LINGO2: variants seen among roughly 807,000 people sequenced by gnomAD.
LINGO2 encodes leucine rich repeat and Ig domain containing 2.
Under a neutral mutation model 30.6 loss-of-function variants are expected in LINGO2, and 14 were observed. The observed-to-expected ratio is 0.46, with a 90% CI of 0.30 to 0.72. LINGO2 has a LOEUF of 0.72. LINGO2 is among the 30% of genes least tolerant of loss of function. The pLI, the probability that LINGO2 is intolerant of heterozygous loss-of-function variation, is 0.07. For synonymous variants in LINGO2, 317 were observed against 288.5 expected (o/e 1.10, Z -1.00); for missense variants, 729 against 751.7 (o/e 0.97, Z 0.35).
In LINGO2 at chr9:27,965,206, A is replaced by G. The variant is rs559781057; in HGVS notation, c.-35-14500T>C. On this transcript the variant is annotated intron_variant, in intron 5 of 5. Transcript: ENST00000379992. ...AGAAACTTTTCTTGCTTGATGAGTC[A>G]TTTGCCTAATGTTACAGTCTCAGTA... 2.6e-5 allele frequency among the ~76,000 whole-genome samples: 4 copies of G among 152,076 alleles called. No individual in the cohort carries two copies. The South Asian group carries it at 6.2e-4, about 24-fold the overall frequency.
At chr9:28,264,673 C>T (rs2134061011) in intron 4 of LINGO2, among the ~76,000 whole-genome samples, 1 of 152,018 alleles carries the variant, frequency 6.6e-6, no homozygotes, top group South Asian at 2.1e-4. Context: ...TGTATTCTAG[C>T]TCGGCCACAC....
chr9:29,203,260 A>G, the LINGO2 span, among the ~76,000 whole-genome samples: 1 of 152,164 alleles, frequency 6.6e-6, no homozygotes, highest in African/African-American at 2.4e-5. Flanking sequence ...GGAAAAAAAT[A>G]AAAATATCAA....
chr9:28,355,616 G>A (rs539840741), intron 3 of LINGO2, among the ~76,000 whole-genome samples: 1 of 151,984 alleles, frequency 6.6e-6, no homozygotes, highest in African/African-American at 2.4e-5. Context: ...CACTTCACAG[G>A]TGGACAGAGA....
chr9:29,177,665 A>G, the LINGO2 span, among the ~76,000 whole-genome samples: 1 of 152,160 alleles, frequency 6.6e-6, no homozygotes, highest in African/African-American at 2.4e-5. Flanking sequence ...TTTTCCACTA[A>G]TCATGATGTT....
chr9:28,347,897 A>G (rs1438849046), intron 3 of LINGO2, among the ~76,000 whole-genome samples: 1 of 152,164 alleles, frequency 6.6e-6, no homozygotes, highest in East Asian at 1.9e-4. Context: ...AGATGTTTCT[A>G]CTATGTTGTT....
At chr9:28,848,599 C>CT in the LINGO2 span, among the ~76,000 whole-genome samples, 16 of 149,694 alleles carry the variant, frequency 1.1e-4, 1 homozygote, top group East Asian at 4.0e-4. Flanking sequence ...AGACCCTCTG[C>CT]TTTTTTTTCA....
At position 27,991,226 on chromosome 9, in the gene LINGO2, C is replaced by T. The variant is rs997207369; in HGVS notation, c.-36+21129G>A. Among the ~76,000 whole-genome samples the T allele has an allele frequency of 5.3e-5, 8 of 152,024 alleles. No homozygotes were observed. The East Asian group carries it at 5.8e-4, about 11-fold the overall frequency. On this transcript the variant is annotated intron_variant, in intron 5 of 5. Coordinates refer to ENST00000379992, the Ensembl canonical transcript of LINGO2. ...AAGGACTCTGGTTGAATACAATGAA[C>T]GGCAACAACAACAACAACAAAGGAT...
At chr9:28,471,495 C>G (rs1172175430) in intron 2 of LINGO2, among the ~76,000 whole-genome samples, 1 of 152,144 alleles carries the variant, frequency 6.6e-6, no homozygotes, top group Non-Finnish European at 1.5e-5. Context: ...AAAGATCCCA[C>G]CTCCCAACAC....
the LINGO2 span, among the ~76,000 whole-genome samples, chr9:29,155,591 G>T: frequency 8.1e-5 from 12 of 148,262 alleles, no homozygotes; most frequent in Admixed American, 4.0e-4. Context: ...AAAAATAAAT[G>T]AGGAAAAAAA....
chr9:29,154,576 C>G, the LINGO2 span, among the ~76,000 whole-genome samples: 1 of 151,956 alleles, frequency 6.6e-6, no homozygotes, highest in East Asian at 1.9e-4. Context: ...AAAATAAACT[C>G]TGGTTAGTAC....
At chr9:28,425,830 G>T (rs572624183) in intron 2 of LINGO2, among the ~76,000 whole-genome samples, 3 of 151,866 alleles carry the variant, frequency 2.0e-5, no homozygotes, top group Non-Finnish European at 2.9e-5. Context: ...AGCCAAAATG[G>T]GAACTCTCTC....
chr9:28,334,673 G>T (rs1056960614), intron 3 of LINGO2, among the ~76,000 whole-genome samples: 2 of 152,110 alleles, frequency 1.3e-5, no homozygotes, highest in African/African-American at 4.8e-5. Context: ...TATGCTTACT[G>T]GAACCATGAA....
chr9:28,210,557 T>G (rs1431947961), intron 4 of LINGO2, among the ~76,000 whole-genome samples: 1 of 151,678 alleles, frequency 6.6e-6, no homozygotes, highest in Non-Finnish European at 1.5e-5. Flanking sequence ...GTTTTGTAGT[T>G]TTTCTTTAAA....
the LINGO2 span, among the ~76,000 whole-genome samples, chr9:29,030,475 A>G: frequency 2.0e-5 from 3 of 152,136 alleles, no homozygotes; most frequent in African/African-American, 7.2e-5. Flanking sequence ...GTCCAATTTT[A>G]TATTTAATTG....
intron 3 of LINGO2, among the ~76,000 whole-genome samples, chr9:28,330,090 T>A (rs575601476): frequency 2.0e-5 from 3 of 152,078 alleles, no homozygotes; most frequent in Non-Finnish European, 4.4e-5. Context: ...CATGATGGAA[T>A]TAGTAACTTT....
At chr9:28,697,483 T>C in the LINGO2 span, among the ~76,000 whole-genome samples, 8 of 150,034 alleles carry the variant, frequency 5.3e-5, no homozygotes, top group Non-Finnish European at 1.0e-4. Context: ...TGTACTATAA[T>C]TAATCATAGT....
At chr9:28,394,494 T>C (rs1821965091) in intron 2 of LINGO2, among the ~76,000 whole-genome samples, 1 of 152,204 alleles carries the variant, frequency 6.6e-6, no homozygotes, top group South Asian at 2.1e-4. Context: ...CCTCATTTTC[T>C]TGCTTTCTTC....
At chr9:29,151,703 C>T in the LINGO2 span, among the ~76,000 whole-genome samples, 1 of 152,134 alleles carries the variant, frequency 6.6e-6, no homozygotes, top group Admixed American at 6.6e-5. Context: ...TTTAACTATT[C>T]TAAATATATA....
At chr9:28,481,089 ATGG>A (rs1227230077) in intron 1 of LINGO2, among the ~76,000 whole-genome samples, 1 of 21,768 alleles carries the variant, frequency 4.6e-5, no homozygotes, top group Non-Finnish European at 1.2e-4. Flanking sequence ...GAGAATGGGC[ATGG>A]AGCCCCATTT....
Sources: allele counts gnomAD v4.1 joint callset (sites outside exome capture counted in the v4.1 genomes callset), GRCh38; gene constraint gnomAD v4.1.1; transcripts MANE v1.5; gene names NCBI Gene and HGNC (gene_info 2026-07-23, HGNC 2026-07-21).